The following RABEP1 variants were observed in gnomAD, a reference collection of about 807,000 sequenced individuals.
The protein encoded by RABEP1 is rabaptin, RAB GTPase binding effector protein 1, also known as rab GTPase-binding effector protein 1.
In RABEP1, 51 loss-of-function variants were observed where a neutral mutation model predicts 123.4. The observed-to-expected ratio is 0.41, with a 90% CI of 0.33 to 0.52. The LOEUF (loss-of-function observed/expected upper bound fraction) is 0.52. RABEP1 is among the 20% of genes least tolerant of loss of function. RABEP1 has a pLI of 0.16. For missense variants in RABEP1, 888 were observed against 996.3 expected (o/e 0.89, Z 1.46); for synonymous variants, 347 against 355.2 (o/e 0.98, Z 0.26).
chr17:5,291,696 C>G, intron 1 of RABEP1, among the ~76,000 whole-genome samples: 1 of 152,042 alleles, frequency 6.6e-6, no homozygotes, highest in East Asian at 1.9e-4. Flanking sequence ...TCACTTGGGT[C>G]AGGAGTTTGA....
intron 2 of RABEP1, among the ~76,000 whole-genome samples, chr17:5,325,542 G>A (rs1373636705): frequency 3.9e-5 from 6 of 152,078 alleles, no homozygotes; most frequent in African/African-American, 1.4e-4. Context: ...CTGGGGAGAT[G>A]AAGAGAAGTT....
intron 2 of RABEP1, among the ~76,000 whole-genome samples, chr17:5,323,168 A>T (rs1257455375): frequency 6.6e-6 from 1 of 152,196 alleles, no homozygotes; most frequent in South Asian, 2.1e-4. Context: ...TCTTTATGAT[A>T]CAAACCCTCA....
At chr17:5,369,082 C>A (rs1344733893) in intron 12 of RABEP1, among the ~76,000 whole-genome samples, 1 of 151,788 alleles carries the variant, frequency 6.6e-6, no homozygotes, top group Non-Finnish European at 1.5e-5. Context: ...GCACTCCAGC[C>A]TGGGTGACAC....
chr17:5,294,047 A>G (rs1444573048), intron 1 of RABEP1, among the ~76,000 whole-genome samples: 1 of 152,240 alleles, frequency 6.6e-6, no homozygotes, highest in Non-Finnish European at 1.5e-5. Context: ...TGTAAAGTGA[A>G]CAGTCAGCAA....
intron 2 of RABEP1, among the ~76,000 whole-genome samples, chr17:5,329,788 A>G (rs143328243): frequency 0.019 from 2,793 of 149,146 alleles, 30 homozygotes; most frequent in Middle Eastern, 0.057. Context: ...TTGTATTTAT[A>G]TATATAAATA....
chr17:5,309,766 T>G (rs745314649), intron 2 of RABEP1, among the ~76,000 whole-genome samples: 6 of 152,116 alleles, frequency 3.9e-5, no homozygotes, highest in Non-Finnish European at 8.8e-5. Flanking sequence ...AGTATCGACC[T>G]AGAATAATGT....
intron 1 of RABEP1, among the ~76,000 whole-genome samples, chr17:5,303,145 TTTAC>T (rs1159498604): frequency 5.9e-5 from 9 of 152,320 alleles, no homozygotes; most frequent in South Asian, 4.1e-4. Flanking sequence ...GTATAATGTA[TTTAC>T]TTAATATAAC....
chr17:5,378,495 C>G, intron 15 of RABEP1: 1 of 540,472 alleles, frequency 1.9e-6, no homozygotes, highest in Non-Finnish European at 3.4e-6. Context: ...AGAAGATAGG[C>G]AAGGCATGGT....
intron 13 of RABEP1, among the ~76,000 whole-genome samples, chr17:5,375,076 C>T (rs1293770211): frequency 6.6e-6 from 1 of 151,392 alleles, no homozygotes; most frequent in Non-Finnish European, 1.5e-5. Flanking sequence ...CGTGCCTGTC[C>T]TATCCAATCT....
intron 2 of RABEP1, among the ~76,000 whole-genome samples, chr17:5,323,620 A>G (rs996117857): frequency 6.8e-6 from 1 of 146,666 alleles, no homozygotes; most frequent in Non-Finnish European, 1.5e-5. Flanking sequence ...ACATACACAC[A>G]CAACACAGAC....
chr17:5,337,692 C>CA lies in RABEP1; in HGVS notation c.529-316dup, dbSNP rs541888260. Among the ~76,000 whole-genome samples the CA allele has an allele frequency of 3.3e-4, 48 of 146,952 alleles. 1 individual carries two copies. The highest frequency in any genetic ancestry group is 8.3e-4 in the African/African-American group (33 of 39,972). ...TGGGTGACAGAGCGAGACTCCGTCT[C>CA]AAAAAAAAAAATTTATTTATTATGT... On this transcript the variant is annotated intron_variant, in intron 4 of 17. Coordinates refer to ENST00000537505, the MANE Select transcript of RABEP1 (RefSeq NM_004703.6).
chr17:5,357,531 C>T (rs750757326), intron 8 of RABEP1, among the ~76,000 whole-genome samples: 9 of 152,010 alleles, frequency 5.9e-5, no homozygotes, highest in Admixed American at 5.9e-4. Context: ...ACCACCACGC[C>T]CAGCTATTTT....
chr17:5,375,706 C>G (rs1910935090), intron 13 of RABEP1, among the ~76,000 whole-genome samples: 1 of 148,850 alleles, frequency 6.7e-6, no homozygotes, highest in African/African-American at 2.5e-5. Flanking sequence ...GACCCTGTCT[C>G]AATTAAAAAA....
intron 1 of RABEP1, among the ~76,000 whole-genome samples, chr17:5,293,448 T>C (rs60435325): frequency 6.6e-6 from 1 of 152,228 alleles, no homozygotes; most frequent in South Asian, 2.1e-4. Context: ...TTTATTTTTT[T>C]GAGACAGGGT....
intron 8 of RABEP1, among the ~76,000 whole-genome samples, chr17:5,355,360 CA>C (rs1908924592): frequency 6.6e-6 from 1 of 152,180 alleles, no homozygotes; most frequent in African/African-American, 2.4e-5. Context: ...ACTCATCTTT[CA>C]AAGCTCATCT....
chr17:5,330,899 C>G (rs779800906), intron 2 of RABEP1, among the ~76,000 whole-genome samples: 2 of 151,908 alleles, frequency 1.3e-5, no homozygotes, highest in Non-Finnish European at 2.9e-5. Context: ...TGGTGCATGC[C>G]TGCAGTCCTA....
At position 5,308,750 on chromosome 17, in the gene RABEP1, G is replaced by A. The variant is rs1423120609; in HGVS notation, c.91G>A (p.Ala31Thr). The change falls in exon 2 of 18, where the codon GCA becomes ACA. Residue 31 changes from alanine (A) to threonine (T), a missense_variant. Ala to Thr is a moderately conservative substitution (Grantham distance 58). Coordinates refer to ENST00000537505, the MANE Select transcript of RABEP1 (RefSeq NM_004703.6). ...AAAAATTAATGCAGAATTTTTACGT[G>A]CACAACAGCAGCTTGAACAAGAATT... ...LEKINAEFLR[A>T]QQQLEQEFNQ... 6.2e-7 allele frequency: 1 copy of A among 1,612,412 alleles called. No individual in the cohort carries two copies. The highest frequency in any genetic ancestry group is 8.5e-7 in the Non-Finnish European group (1 of 1,179,012).
rs144525758 is a variant in RABEP1, at chr17:5,331,200, C to G, written c.164-749C>G. ...GAATGTCACCAAAGAGGAAATGAGTCACTAGTACATATATGAGAAGATGCT... is the reference window on the plus strand; with the variant it reads ...GAATGTCACCAAAGAGGAAATGAGTGACTAGTACATATATGAGAAGATGCT... On this transcript the variant is annotated intron_variant, in intron 2 of 17. Transcript: ENST00000537505. Among the ~76,000 whole-genome samples the G allele has an allele frequency of 5.2e-4, 79 of 152,008 alleles. 1 individual carries two copies. Among genetic ancestry groups the G allele is most frequent in the African/African-American group, 1.7e-3 (72 of 41,468 alleles).
rs201292927 is a variant in RABEP1 at position 5,323,690 on chromosome 17, ATC to A, written c.164-8251_164-8250del. 1.1e-4 allele frequency among the ~76,000 whole-genome samples: 10 copies of A among 90,704 alleles called. 1 individual carries two copies. The highest frequency in any genetic ancestry group is 3.2e-4 in the East Asian group (1 of 3,104). 59.5% of individuals were successfully genotyped at this position (90,704 alleles called of 152,430 possible). ...TCTTTCATTGGTGATATATATATAT[ATC>A]TCTCTCTAGGAATATATATATATAT... On this transcript the variant is annotated intron_variant, in intron 2 of 17. Transcript: ENST00000537505.
Sources: allele counts gnomAD v4.1 joint callset (sites outside exome capture counted in the v4.1 genomes callset), GRCh38; gene constraint gnomAD v4.1.1; transcripts MANE v1.5; gene names NCBI Gene and HGNC (gene_info 2026-07-23, HGNC 2026-07-21).